IGSF21: variants seen among roughly 807,000 people sequenced by gnomAD.
IGSF21 encodes immunoglobin superfamily member 21, also known as immunoglobulin superfamily member 21.
Under a neutral mutation model 46.8 loss-of-function variants are expected in IGSF21, and 28 were observed. The ratio of observed to expected loss-of-function variants is 0.60; its 90% CI spans 0.44 to 0.82. The LOEUF (loss-of-function observed/expected upper bound fraction) is 0.82, where lower values mean the gene tolerates loss of function less well. Among genes scored for constraint, IGSF21 ranks in the 40% least tolerant of loss-of-function variants. The pLI, the probability that IGSF21 is intolerant of heterozygous loss-of-function variation, is 0.00. For synonymous variants in IGSF21, 284 were observed against 273.6 expected (o/e 1.04, Z -0.38); for missense variants, 624 against 665.5 (o/e 0.94, Z 0.69).
chr1:18,249,152 C>A (rs535285455), intron 2 of IGSF21, among the ~76,000 whole-genome samples: 5 of 152,118 alleles, frequency 3.3e-5, no homozygotes, highest in Non-Finnish European at 7.4e-5. Context: ...TGGTGAGATG[C>A]TTGAACCTTA....
chr1:18,309,081 C>A (rs944288676), intron 3 of IGSF21, among the ~76,000 whole-genome samples: 1 of 151,950 alleles, frequency 6.6e-6, no homozygotes, highest in Admixed American at 6.6e-5. Flanking sequence ...TACCCCCATA[C>A]TCCCCGCCCC....
chr1:18,148,408 T>A (rs1334188473), intron 1 of IGSF21, among the ~76,000 whole-genome samples: 2 of 152,190 alleles, frequency 1.3e-5, no homozygotes, highest in Admixed American at 1.3e-4. Context: ...CTGGGATTAC[T>A]GGCGTGAGCC....
rs897264244 is a variant in IGSF21, at chr1:18,107,934, C to G, written c.-195C>G. On this transcript the variant is annotated 5_prime_UTR_variant, in exon 1 of 10. Transcript: ENST00000251296. ...CGAGGGTCGCTGCGCCTCGCAGAGC[C>G]GGAGCCGAGTCGAGCCGGGCGCCCG... The G allele has an allele frequency of 5.3e-6, 1 of 187,816 alleles. No homozygotes were observed. Among genetic ancestry groups the G allele is most frequent in the African/African-American group, 2.4e-5 (1 of 42,054 alleles). 11.6% of individuals were successfully genotyped at this position (187,816 alleles called of 1,614,324 possible).
At chr1:18,330,680 A>G (rs28629316) in intron 3 of IGSF21, among the ~76,000 whole-genome samples, 1,070 of 68,416 alleles carry the variant, frequency 0.016, 36 homozygotes, top group African/African-American at 0.032. Context: ...GGGAAGGTGG[A>G]AGACATAGCT....
chr1:18,353,236 T>G (rs2085976792), intron 4 of IGSF21, among the ~76,000 whole-genome samples: 1 of 152,016 alleles, frequency 6.6e-6, no homozygotes, highest in South Asian at 2.1e-4. Context: ...CCCTCTCTCT[T>G]TTTCTTGCCG....
chr1:18,116,369 C>A (rs1346570547), intron 1 of IGSF21, among the ~76,000 whole-genome samples: 1 of 152,214 alleles, frequency 6.6e-6, no homozygotes, highest in African/African-American at 2.4e-5. Context: ...CAATGGGCTC[C>A]TGTTGTCCAC....
chr1:18,352,206 C>G (rs2085965123), intron 4 of IGSF21, among the ~76,000 whole-genome samples: 1 of 152,226 alleles, frequency 6.6e-6, no homozygotes, highest in African/African-American at 2.4e-5. Flanking sequence ...CTTTCGTTTT[C>G]TATCAGTAAT....
chr1:18,317,733 G>A (rs969534838), intron 3 of IGSF21, among the ~76,000 whole-genome samples: 3 of 152,188 alleles, frequency 2.0e-5, no homozygotes, highest in African/African-American at 2.4e-5. Flanking sequence ...TTGGAAGAAA[G>A]CATGAACACC....
chr1:18,229,890 C>T (rs941588160), intron 2 of IGSF21, among the ~76,000 whole-genome samples: 15 of 152,330 alleles, frequency 9.8e-5, no homozygotes, highest in Admixed American at 5.9e-4. Flanking sequence ...TCTCCCTCAG[C>T]CATCCCATAG....
At chr1:18,123,834 G>C (rs2086254371) in intron 1 of IGSF21, among the ~76,000 whole-genome samples, 1 of 152,314 alleles carries the variant, frequency 6.6e-6, no homozygotes, top group South Asian at 2.1e-4. Flanking sequence ...GGACACAGGG[G>C]ACAGATGAAG....
chr1:18,259,405 C>G (rs2124534890), intron 2 of IGSF21, among the ~76,000 whole-genome samples: 1 of 152,310 alleles, frequency 6.6e-6, no homozygotes, highest in Non-Finnish European at 1.5e-5. Context: ...GTATTCCACC[C>G]TGTCCCAGAA....
intron 1 of IGSF21, among the ~76,000 whole-genome samples, chr1:18,130,608 G>A (rs762729643): frequency 6.6e-6 from 1 of 152,170 alleles, no homozygotes; most frequent in Non-Finnish European, 1.5e-5. Flanking sequence ...ACTCAGAAAG[G>A]GTTAGTAACT....
intron 1 of IGSF21, among the ~76,000 whole-genome samples, chr1:18,161,621 C>T (rs558927110): frequency 6.6e-6 from 1 of 152,262 alleles, no homozygotes; most frequent in African/African-American, 2.4e-5. Context: ...AATCCCCTGG[C>T]TGAGAGGCCT....
At chr1:18,205,138 G>C (rs936792272) in intron 1 of IGSF21, among the ~76,000 whole-genome samples, 1 of 145,348 alleles carries the variant, frequency 6.9e-6, no homozygotes, top group Non-Finnish European at 1.5e-5. Context: ...AAGATAAGAA[G>C]GGGAGAGAGA....
chr1:18,377,432 G>A lies in IGSF21; in HGVS notation c.1333+1G>A, dbSNP rs2086295771. ...CCAAGAGGAACGGAGGACTCTAATG[G>A]TAAGTCTCTACCCTCAGGATTTTTT... On this transcript the variant is annotated splice_donor_variant, in intron 9 of 9. Coordinates refer to ENST00000251296, the MANE Select transcript of IGSF21 (RefSeq NM_032880.5). LOFTEE classifies it high-confidence loss of function. The A allele has an allele frequency of 1.2e-6, 2 of 1,612,744 alleles. No homozygotes were observed. Among genetic ancestry groups the A allele is most frequent in the South Asian group, 1.1e-5 (1 of 91,048 alleles).
At chr1:18,191,803 A>T (rs1426095714) in intron 1 of IGSF21, among the ~76,000 whole-genome samples, 1 of 152,002 alleles carries the variant, frequency 6.6e-6, no homozygotes, top group Non-Finnish European at 1.5e-5. Context: ...TGAGGCTCAG[A>T]TCTGTTTGCA....
intron 2 of IGSF21, among the ~76,000 whole-genome samples, chr1:18,247,807 A>G (rs900448009): frequency 6.6e-6 from 1 of 152,188 alleles, no homozygotes; most frequent in African/African-American, 2.4e-5. Flanking sequence ...TCCCCATTCT[A>G]TAGATGAGGA....
At chr1:18,306,900 G>A (rs1396487644) in intron 3 of IGSF21, among the ~76,000 whole-genome samples, 2 of 152,242 alleles carry the variant, frequency 1.3e-5, no homozygotes, top group Non-Finnish European at 2.9e-5. Flanking sequence ...CCAGGCCCCA[G>A]GGTGACCAGG....
chr1:18,376,494 T>C (rs10796450), intron 7 of IGSF21, 99 bp downstream of exon 7: 907,586 of 909,486 alleles, frequency 1, 452,862 homozygotes, highest in Non-Finnish European at 1. Flanking sequence ...ACTCTTCCTT[T>C]GATCCCCAGC....
Sources: allele counts gnomAD v4.1 joint callset (sites outside exome capture counted in the v4.1 genomes callset), GRCh38; gene constraint gnomAD v4.1.1; transcripts MANE v1.5; gene names NCBI Gene and HGNC (gene_info 2026-07-23, HGNC 2026-07-21).